The following SYK variants were observed in gnomAD, a reference collection of about 807,000 sequenced individuals.
SYK encodes the protein tyrosine-protein kinase SYK.
In SYK, 16 loss-of-function variants were observed where a neutral mutation model predicts 77.8. That is an observed-to-expected ratio of 0.21 (90% CI 0.14 to 0.31). The LOEUF (loss-of-function observed/expected upper bound fraction) is 0.31. SYK is among the 10% of genes least tolerant of loss of function. The probability of loss-of-function intolerance (pLI) is 1.00; values close to 1 mark genes in which losing one functional copy is unlikely to be tolerated. For synonymous variants in SYK, 312 were observed against 308.7 expected (o/e 1.01, Z -0.11); for missense variants, 529 against 814.4 (o/e 0.65, Z 4.26).
Position 90,884,511 on chromosome 9 carries a change from ACATACACATACACATATGTGTACATG to A in SYK, c.1582-3237_1582-3212del, listed in dbSNP as rs1828373441. On this transcript the variant is annotated intron_variant, in intron 11 of 13. Transcript: ENST00000375754. ...CATACACATATGTGTACATGTACAT[ACATACACATACACATATGTGTACATG>A]TACATACATACACATACACATATGT... 1.7e-5 allele frequency among the ~76,000 whole-genome samples: 2 copies of A among 115,210 alleles called. 1 individual carries two copies. Among genetic ancestry groups the A allele is most frequent in the Admixed American group, 1.7e-4 (2 of 12,108 alleles). The allele number at this position is 115,210 out of a possible 152,430, so 75.6% of individuals were successfully genotyped here.
At chr9:90,892,395 C>G (rs1291994144) in intron 13 of SYK, among the ~76,000 whole-genome samples, 1 of 152,176 alleles carries the variant, frequency 6.6e-6, no homozygotes, top group Non-Finnish European at 1.5e-5. Context: ...CCAGAGGAAT[C>G]TTTATGGCTT....
Position 90,808,052 on chromosome 9 carries a change from G to T in SYK, c.-42+6159G>T, listed in dbSNP as rs561287932. On this transcript the variant is annotated intron_variant, in intron 1 of 13. Coordinates refer to ENST00000375754, the MANE Select transcript of SYK (RefSeq NM_003177.7). ...TAATTTTTATGACAGTCCAGAATAGGCATGTCGATTTTTTTTAATTTTTGA... is the reference window on the plus strand; with the variant it reads ...TAATTTTTATGACAGTCCAGAATAGTCATGTCGATTTTTTTTAATTTTTGA... 2.6e-5 allele frequency among the ~76,000 whole-genome samples: 4 copies of T among 152,222 alleles called. No individual in the cohort carries two copies. In the East Asian group the frequency reaches 7.7e-4, roughly 29 times the overall value.
chr9:90,896,752 C>A lies in SYK; in HGVS notation c.*1152C>A, dbSNP rs10512203. On this transcript the variant is annotated 3_prime_UTR_variant, in exon 14 of 14. Transcript: ENST00000375754. Reference sequence around the variant, plus strand: ...CCCATTGATTTCAGTTTTGCTGTACCTCTTGAAAGTTAAAGAGACATCTCA... The same window carrying A: ...CCCATTGATTTCAGTTTTGCTGTACATCTTGAAAGTTAAAGAGACATCTCA... 0.11 allele frequency: 24,213 copies of A among 227,114 alleles called. 1,625 individuals carry two copies. The highest frequency in any genetic ancestry group is 0.21 in the Admixed American group (3,719 of 17,580). 14.1% of individuals were successfully genotyped at this position (227,114 alleles called of 1,614,324 possible).
intron 7 of SYK, 115 bp from the exon 8 acceptor site, chr9:90,874,085 CCTTT>C (rs1827836799): frequency 3.6e-6 from 3 of 827,762 alleles, no homozygotes; most frequent in Non-Finnish European, 5.8e-6. Context: ...GTAATTCTTT[CCTTT>C]GTCTTTCCTG....
chr9:90,870,650 A>G (rs1827693641), intron 7 of SYK, among the ~76,000 whole-genome samples: 1 of 152,224 alleles, frequency 6.6e-6, no homozygotes, highest in Non-Finnish European at 1.5e-5. Flanking sequence ...TGTTATTTTC[A>G]TGGATCTCAG....
intron 1 of SYK, among the ~76,000 whole-genome samples, chr9:90,813,202 T>A (rs1296261206): frequency 6.6e-6 from 1 of 152,176 alleles, no homozygotes; most frequent in Admixed American, 6.5e-5. Flanking sequence ...GGTCCATAGT[T>A]TCTTGGTGTC....
chr9:90,844,464 G>A (rs945776814), intron 2 of SYK, 149 bp downstream of exon 2: 2 of 900,454 alleles, frequency 2.2e-6, no homozygotes, highest in South Asian at 3.7e-5. Context: ...GCCAAAAAAT[G>A]CCTCTCTCTG....
chr9:90,874,610 G>A, intron 8 of SYK, 62 bp from the exon 9 acceptor site: 1 of 1,529,386 alleles, frequency 6.5e-7, no homozygotes, highest in Non-Finnish European at 8.9e-7. Flanking sequence ...TCATGTTCTT[G>A]GAAGGATGAA....
chr9:90,867,968 A>T (rs1827582876), intron 7 of SYK, among the ~76,000 whole-genome samples: 1 of 152,096 alleles, frequency 6.6e-6, no homozygotes, highest in African/African-American at 2.4e-5. Context: ...TTTATCAGTA[A>T]TTCTTTTTAT....
rs1228437072 is a variant in SYK at position 90,845,670 on chromosome 9, T to G, written c.578+76T>G. On this transcript the variant is annotated intron_variant, in intron 3 of 13. Coordinates refer to ENST00000375754, the MANE Select transcript of SYK (RefSeq NM_003177.7). ...AATTGGGAATAATTCAGCTTCCTTG[T>G]GACTGGCCCCACATGACCCTGGGAA... The G allele has an allele frequency of 3.2e-6, 5 of 1,546,016 alleles. No individual in the cohort carries two copies. In the African/African-American group the frequency reaches 6.8e-5, roughly 21 times the overall value.
chr9:90,895,651 G>T lies in SYK; in HGVS notation c.*51G>T. 2 of 1,544,484 alleles carry T rather than the reference G, an allele frequency of 1.3e-6. No individual in the cohort carries two copies. On this transcript the variant is annotated 3_prime_UTR_variant, in exon 14 of 14. Coordinates refer to ENST00000375754, the MANE Select transcript of SYK (RefSeq NM_003177.7). The surrounding 1 kb of genome is among the most constrained non-coding windows in gnomAD (Gnocchi z 4.4). Reference sequence around the variant, plus strand: ...CCTTTGATCACAGGAGCAATCACAGGAAAATGTATCCAGAGGAATTGATTG... The same window carrying T: ...CCTTTGATCACAGGAGCAATCACAGTAAAATGTATCCAGAGGAATTGATTG...
intron 1 of SYK, among the ~76,000 whole-genome samples, chr9:90,806,895 T>TATA (rs1387029198): frequency 9.0e-5 from 13 of 144,512 alleles, no homozygotes; most frequent in African/African-American, 2.5e-4. Context: ...GATGAGAATG[T>TATA]TTATTTTTGT....
At chr9:90,802,554 TAA>T (rs1355189362) in intron 1 of SYK, among the ~76,000 whole-genome samples, 3 of 152,074 alleles carry the variant, frequency 2.0e-5, no homozygotes, top group African/African-American at 7.3e-5. Context: ...AAATTTGAGT[TAA>T]GAGTTAAGGG....
rs2306043 is a variant in SYK, at chr9:90,864,861, T to A, written c.797-187T>A. Among the ~76,000 whole-genome samples, 54 of 152,312 alleles carry A rather than the reference T, an allele frequency of 3.5e-4. No individual in the cohort carries two copies. In the East Asian group the frequency reaches 9.6e-3, roughly 27 times the overall value. On this transcript the variant is annotated intron_variant, in intron 5 of 13. Transcript: ENST00000375754. The stretch of plus-strand genomic sequence containing the variant: ...GCCAGTTGCTTTAACTTTAAAAAAA[T>A]TGTAATTTATTTGTCTTCATTGCAT...
chr9:90,879,098 C>T, intron 11 of SYK, 145 bp downstream of exon 11: 1 of 567,332 alleles, frequency 1.8e-6, no homozygotes, highest in Middle Eastern at 4.5e-4. Flanking sequence ...TTCTTATAAT[C>T]TTTGATTTTA....
chr9:90,820,171 C>G (rs1278213368), intron 1 of SYK, among the ~76,000 whole-genome samples: 1 of 152,210 alleles, frequency 6.6e-6, no homozygotes, highest in Non-Finnish European at 1.5e-5. Context: ...GCTGCTTTCA[C>G]AGGTTGGCAT....
chr9:90,879,603 A>G (rs1828071395), intron 11 of SYK, among the ~76,000 whole-genome samples: 2 of 152,250 alleles, frequency 1.3e-5, no homozygotes, highest in Admixed American at 1.3e-4. Flanking sequence ...TATGTCCACT[A>G]CATATGTAGA....
intron 1 of SYK, among the ~76,000 whole-genome samples, chr9:90,842,302 C>G (rs1826394800): frequency 1.5e-5 from 2 of 137,858 alleles, no homozygotes; most frequent in African/African-American, 5.5e-5. Context: ...ATGTAGTGTC[C>G]ATGTGGTATG....
rs10680406 is a variant in SYK, at chr9:90,865,891, C to CTTTTTTTTTT, written c.846+810_846+819dup. Among the ~76,000 whole-genome samples the CTTTTTTTTTT allele has an allele frequency of 8.5e-4, 52 of 61,270 alleles. 9 individuals carry two copies. The highest frequency in any genetic ancestry group is 1.8e-3 in the East Asian group (3 of 1,666). The allele number at this position is 61,270 out of a possible 152,430, so 40.2% of individuals were successfully genotyped here. On this transcript the variant is annotated intron_variant, in intron 6 of 13. Coordinates refer to ENST00000375754, the MANE Select transcript of SYK (RefSeq NM_003177.7). Reference sequence around the variant, plus strand: ...CTCTTTTCTTGGGGCTACATATGGCCTTTTTTTTTTTTTTTTTTTTTTTTT... The same window carrying CTTTTTTTTTT: ...CTCTTTTCTTGGGGCTACATATGGCCTTTTTTTTTTTTTTTTTTTTTTTTTTTTTTTTTTT...
Sources: allele counts gnomAD v4.1 joint callset (sites outside exome capture counted in the v4.1 genomes callset), GRCh38; gene constraint gnomAD v4.1.1; non-coding constraint Gnocchi (gnomAD v3.1); transcripts MANE v1.5; gene names NCBI Gene and HGNC (gene_info 2026-07-23, HGNC 2026-07-21).